Variants in KIF7 observed in about 807,000 individuals in gnomAD.
The protein encoded by KIF7 is kinesin-like protein KIF7.
KIF7 carries 104 observed loss-of-function variants against 135.7 expected under a neutral mutation model. The ratio of observed to expected loss-of-function variants is 0.77; its 90% CI spans 0.65 to 0.90. KIF7 has a LOEUF of 0.90. Among genes scored for constraint, KIF7 ranks in the 40% least tolerant of loss-of-function variants. KIF7 has a pLI of 0.00. For missense variants in KIF7, 2,005 were observed against 1,839.1 expected, an observed-to-expected ratio of 1.09 and a Z score of -1.65; for synonymous variants, 883 against 809.4, an observed-to-expected ratio of 1.09 and a Z score of -1.54.
chr15:89,645,992 A>C lies in KIF7; in HGVS notation c.1823T>G (p.Leu608Trp). 1 of 1,613,978 alleles carries C rather than the reference A, an allele frequency of 6.2e-7. No homozygotes were observed. Among genetic ancestry groups the C allele is most frequent in the Non-Finnish European group, 8.5e-7 (1 of 1,179,994 alleles). Residue 608 changes from leucine (L) to tryptophan (W), a missense_variant, in exon 8 of 19, where the codon TTG becomes TGG. Physicochemically the swap from Leu to Trp is moderately conservative, Grantham distance 61 (BLOSUM62 -2). Coordinates refer to ENST00000394412, the MANE Select transcript of KIF7 (RefSeq NM_198525.3). ...VTNGREAGAE[L>W]LTEVNRLGSG... The stretch of plus-strand genomic sequence containing the variant: ...TCCCAGCCTGTTCACCTCAGTCAGC[A>C]ACTCAGCTCCAGCCTCCCTGCCATT...
intron 2 of KIF7, among the ~76,000 whole-genome samples, chr15:89,617,315 G>T (rs1963350744): frequency 6.6e-6 from 1 of 152,102 alleles, no homozygotes. Context: ...TGGGTCAGAG[G>T]CATATATATT....
downstream of KIF7, chr15:89,625,202 A>G: frequency 6.2e-7 from 1 of 1,613,434 alleles, no homozygotes; most frequent in Non-Finnish European, 8.5e-7. Flanking sequence ...CGCCTCTCCC[A>G]CAGCACACCT....
chr15:89,633,322 C>A, intron 12 of KIF7, 56 bp from the exon 13 acceptor site: 2 of 1,535,936 alleles, frequency 1.3e-6, no homozygotes, highest in Non-Finnish European at 1.7e-6. Flanking sequence ...CTTACCAGAG[C>A]CTGCCACCGA....
chr15:89,632,492 G>A (rs563292399), intron 14 of KIF7, among the ~76,000 whole-genome samples: 86 of 152,286 alleles, frequency 5.6e-4, no homozygotes, highest in African/African-American at 1.9e-3. Flanking sequence ...ACTTAAGAGA[G>A]GTTCTTCTAT....
downstream of KIF7, chr15:89,623,790 C>T (rs1008219862): frequency 2.5e-6 from 4 of 1,613,848 alleles, no homozygotes; most frequent in African/African-American, 2.7e-5. Context: ...TAAAAGACTC[C>T]TCCTCACCCG....
At position 89,629,532 on chromosome 15, in the gene KIF7, G is replaced by T; in HGVS notation, c.3360C>A (p.Ala1120=). 6.2e-7 allele frequency: 1 copy of T among 1,610,302 alleles called. No individual in the cohort carries two copies. ...CCAGCTGCATCTCCAGTTCCGAGAAGGCAATCTGCTGCTGGTGCTGCTCCT... is the reference window on the plus strand; with the variant it reads ...CCAGCTGCATCTCCAGTTCCGAGAATGCAATCTGCTGCTGGTGCTGCTCCT... ...LREEQHQQQI[A]FSELEMQLEE... The change falls in exon 17 of 19, where the codon GCC becomes GCA. Residue 1120 remains alanine (A), a synonymous_variant. Transcript: ENST00000394412.
chr15:89,649,043 ACGTTGC>A lies in KIF7; in HGVS notation c.848_853del (p.Gly283_Asn284del). 1 of 1,548,206 alleles carries A rather than the reference ACGTTGC, an allele frequency of 6.5e-7. No homozygotes were observed. Among genetic ancestry groups the A allele is most frequent in the Non-Finnish European group, 8.7e-7 (1 of 1,146,714 alleles). On this transcript the variant is annotated inframe_deletion, in exon 4 of 19. Coordinates refer to ENST00000394412, the MANE Select transcript of KIF7 (RefSeq NM_198525.3). ...CTGAGGGTCCCCCAGGGCGCTGATG[ACGTTGC>A]CCAGCGCCAGGAGGCTGCTGTTGAT...
rs955750866 is a variant in KIF7 at position 89,629,135 on chromosome 15, G to C, written c.3518-13C>G. 2 of 1,611,636 alleles carry C rather than the reference G, an allele frequency of 1.2e-6. No homozygotes were observed. The highest frequency in any genetic ancestry group is 1.7e-5 in the Admixed American group (1 of 59,732). On this transcript the variant is annotated splice_polypyrimidine_tract_variant and intron_variant, in intron 17 of 18. Coordinates refer to ENST00000394412, the MANE Select transcript of KIF7 (RefSeq NM_198525.3). ...TCACCGAGGTGGTCTAGAGTGGAAA[G>C]GTCGAGGAGAGGGTGGTGAGGGCTG... is the stretch of plus-strand genomic sequence containing the variant.
chr15:89,642,470 C>T, intron 10 of KIF7, 65 bp from the exon 11 acceptor site: 1 of 1,456,546 alleles, frequency 6.9e-7, no homozygotes, highest in Non-Finnish European at 9.3e-7. Context: ...GCTGTTTGTC[C>T]CCCTGGGAGG....
rs762657379 is a variant in KIF7 at position 89,628,524 on chromosome 15, C to T, written c.3927G>A (p.Val1309=). The change falls in exon 19 of 19, where the codon GTG becomes GTA. Residue 1309 remains valine, a synonymous_variant. Transcript: ENST00000394412. ...AGTTCCAGGGCAGGCCTGCCTCACC[C>T]ACAGGAAGCACCCGCCCCACCAGGG... The part of the protein sequence containing the change: ...AEPLVGRVLP[V]GEAGLPWNFG... 6.2e-7 allele frequency: 1 copy of T among 1,613,166 alleles called. No individual in the cohort carries two copies. Among genetic ancestry groups the T allele is most frequent in the Non-Finnish European group, 8.5e-7 (1 of 1,179,966 alleles).
At position 89,628,806 on chromosome 15, in the gene KIF7, GTCC is replaced by G; in HGVS notation, c.3665-23_3665-21del. The stretch of plus-strand genomic sequence containing the variant: ...CCCCACCTGTCATGGAGAGTAACGT[GTCC>G]TCATCAGAAACAGGTGGCAACACCT... On this transcript the variant is annotated intron_variant, in intron 18 of 18. Coordinates refer to ENST00000394412, the MANE Select transcript of KIF7 (RefSeq NM_198525.3). 1 of 1,611,642 alleles carries G rather than the reference GTCC, an allele frequency of 6.2e-7. No homozygotes were observed. Among genetic ancestry groups the G allele is most frequent in the Non-Finnish European group, 8.5e-7 (1 of 1,179,988 alleles).
intron 1 of KIF7, among the ~76,000 whole-genome samples, chr15:89,620,018 G>A (rs1267129693): frequency 1.3e-5 from 2 of 152,178 alleles, no homozygotes; most frequent in African/African-American, 2.4e-5. Flanking sequence ...TTTGTAATCA[G>A]TCATCCCTAG....
intron 10 of KIF7, among the ~76,000 whole-genome samples, chr15:89,644,051 A>G (rs1374888502): frequency 2.0e-5 from 3 of 152,160 alleles, no homozygotes; most frequent in South Asian, 2.1e-4. Context: ...TCAGCAAAGA[A>G]AAAAGGGAGA....
intron 11 of KIF7, among the ~76,000 whole-genome samples, 172 bp from the exon 12 acceptor site, chr15:89,634,055 T>C (rs1383956208): frequency 6.6e-6 from 1 of 152,170 alleles, no homozygotes; most frequent in Non-Finnish European, 1.5e-5. Context: ...TCCCAGCACT[T>C]TGAGAGGCTG....
intron 15 of KIF7, 148 bp from the exon 16 acceptor site, chr15:89,630,641 C>T (rs1963654384): frequency 2.0e-5 from 14 of 713,554 alleles, no homozygotes; most frequent in Middle Eastern, 3.6e-4. Flanking sequence ...GAGAGAGGTG[C>T]CCCCTGCTCA....
downstream of KIF7, chr15:89,626,111 A>G: frequency 1.9e-6 from 3 of 1,596,506 alleles, no homozygotes; most frequent in Non-Finnish European, 2.6e-6. Flanking sequence ...GACTGTCTGA[A>G]TTCACCAGGG....
At position 89,646,816 on chromosome 15, in the gene KIF7, C is replaced by T; in HGVS notation, c.1788+14G>A. The T allele has an allele frequency of 1.2e-6, 2 of 1,612,550 alleles. No individual in the cohort carries two copies. The highest frequency in any genetic ancestry group is 2.2e-5 in the East Asian group (1 of 44,860). On this transcript the variant is annotated intron_variant, in intron 7 of 18. Transcript: ENST00000394412. ...AGCAGGGCCCACAGACACCCAGCCT[C>T]ACCCTCTTCTCACCTCTCCCCTCTG...
intron 1 of KIF7, among the ~76,000 whole-genome samples, chr15:89,653,185 G>T (rs1301855045): frequency 2.0e-5 from 3 of 152,314 alleles, no homozygotes; most frequent in African/African-American, 7.2e-5. Flanking sequence ...CTGGCGAAAT[G>T]AGGCCCTAAC....
intron 8 of KIF7, 91 bp from the exon 9 acceptor site, chr15:89,645,542 G>A (rs976989808): frequency 8.3e-5 from 83 of 1,000,604 alleles, no homozygotes; most frequent in East Asian, 5.7e-4. Flanking sequence ...AGAGGCCACC[G>A]GGTCTTCCAC....
Sources: gnomAD v4.1 joint callset for allele counts (sites outside exome capture counted in the v4.1 genomes callset) on GRCh38, gnomAD v4.1.1 for gene constraint, MANE v1.5 for transcripts, NCBI Gene and HGNC (gene_info 2026-07-23, HGNC 2026-07-21) for gene names.